Variants in RBFOX1 observed in about 807,000 individuals in gnomAD.
RBFOX1 encodes the protein RNA binding fox-1 homolog 1.
Under a neutral mutation model 57.7 loss-of-function variants are expected in RBFOX1, and 8 were observed. The ratio of observed to expected loss-of-function variants is 0.14; its 90% CI spans 0.08 to 0.25. The LOEUF (loss-of-function observed/expected upper bound fraction) is 0.25, where lower values mean the gene tolerates loss of function less well. Ranked by LOEUF, RBFOX1 falls within the 10% of genes least tolerant of loss-of-function variation. The pLI, the probability that RBFOX1 is intolerant of heterozygous loss-of-function variation, is 1.00. For missense variants in RBFOX1, 611 were observed against 548.5 expected, an observed-to-expected ratio of 1.11 and a Z score of -1.14; for synonymous variants, 326 against 222.4, an observed-to-expected ratio of 1.47 and a Z score of -4.15.
At chr16:6,803,212 C>G (rs565745788) in intron 3 of RBFOX1, among the ~76,000 whole-genome samples, 1 of 152,104 alleles carries the variant, frequency 6.6e-6, no homozygotes, top group South Asian at 2.1e-4. Flanking sequence ...AAAATGTTCA[C>G]TTGACCCTCA....
intron 3 of RBFOX1, among the ~76,000 whole-genome samples, chr16:6,697,565 C>G (rs1166862356): frequency 6.6e-6 from 1 of 152,160 alleles, no homozygotes; most frequent in South Asian, 2.1e-4. Flanking sequence ...ACTGGAGCAG[C>G]TTGAGTCAAA....
chr16:7,693,771 G>A (rs1365900043), intron 14 of RBFOX1, among the ~76,000 whole-genome samples: 1 of 152,092 alleles, frequency 6.6e-6, no homozygotes, highest in Non-Finnish European at 1.5e-5. Context: ...AATTATTTGG[G>A]ATCTTTATGG....
At chr16:6,350,467 A>C (rs1025933115) in intron 2 of RBFOX1, among the ~76,000 whole-genome samples, 11 of 18,316 alleles carry the variant, frequency 6.0e-4, no homozygotes, top group Non-Finnish European at 1.2e-3. Context: ...AAAAAAAAAA[A>C]AAAAAAAAAA....
intron 3 of RBFOX1, among the ~76,000 whole-genome samples, chr16:6,840,970 C>T (rs1043067022): frequency 1.3e-5 from 2 of 151,856 alleles, no homozygotes; most frequent in Non-Finnish European, 1.5e-5. Context: ...GGGTATCTAC[C>T]AGGAGGTGGA....
chr16:5,670,009 G>C (rs1286252448), intron 3 of RBFOX1, among the ~76,000 whole-genome samples: 6 of 152,190 alleles, frequency 3.9e-5, no homozygotes, highest in African/African-American at 1.4e-4. Flanking sequence ...TCCATAAAAA[G>C]ATATAGAGCA....
At position 7,448,431 on chromosome 16, in the gene RBFOX1, C is replaced by T. The variant is rs189968065; in HGVS notation, c.28-69716C>T. 4.7e-3 allele frequency among the ~76,000 whole-genome samples: 722 copies of T among 152,206 alleles called. 6 individuals are homozygous for T. The highest frequency in any genetic ancestry group is 6.1e-3 in the Non-Finnish European group (415 of 68,008). ...GGAAGGCAAAGGAGGTGCAAAGACACGTTTTACATGGCGGCAGGCAAGAGA... is the reference window on the plus strand; with the variant it reads ...GGAAGGCAAAGGAGGTGCAAAGACATGTTTTACATGGCGGCAGGCAAGAGA... On this transcript the variant is annotated intron_variant, in intron 4 of 15. Coordinates refer to ENST00000550418, the MANE Select transcript of RBFOX1 (RefSeq NM_018723.4).
chr16:6,935,467 A>G (rs1449735737), intron 3 of RBFOX1, among the ~76,000 whole-genome samples: 1 of 152,196 alleles, frequency 6.6e-6, no homozygotes, highest in Non-Finnish European at 1.5e-5. Context: ...TGCAATAATG[A>G]ATGATTACTG....
intron 2 of RBFOX1, among the ~76,000 whole-genome samples, chr16:6,425,851 C>T (rs111970907): frequency 6.6e-6 from 1 of 152,122 alleles, no homozygotes; most frequent in African/African-American, 2.4e-5. Context: ...GGAAAATTTA[C>T]ATAGCATAAT....
Position 5,372,068 on chromosome 16 carries a change from C to T in RBFOX1, c.220-95148C>T, listed in dbSNP as rs184464584. On this transcript the variant is annotated intron_variant, in intron 1 of 2. Transcript: ENST00000585867. ...GCAAAAGGACTGGAGATGTCCATGCCGGCTTCAGATATTTCCTTTGCAGCC... is the reference window on the plus strand; with the variant it reads ...GCAAAAGGACTGGAGATGTCCATGCTGGCTTCAGATATTTCCTTTGCAGCC... Among the ~76,000 whole-genome samples, 161 of 152,284 alleles carry T rather than the reference C, an allele frequency of 1.1e-3. 1 individual carries two copies. The East Asian group carries it at 0.026, about 25-fold the overall frequency.
At chr16:5,251,701 G>A (rs1350064834) in intron 1 of RBFOX1, among the ~76,000 whole-genome samples, 2 of 152,114 alleles carry the variant, frequency 1.3e-5, no homozygotes, top group East Asian at 3.9e-4. Context: ...AATGGAAAAG[G>A]GGCCTGAGGA....
chr16:6,841,623 C>A (rs539795308), intron 3 of RBFOX1, among the ~76,000 whole-genome samples: 2 of 152,100 alleles, frequency 1.3e-5, no homozygotes, highest in Non-Finnish European at 2.9e-5. Flanking sequence ...AAAACTCTCA[C>A]GAATGCTTTT....
At chr16:6,415,568 G>A (rs998152786) in intron 2 of RBFOX1, among the ~76,000 whole-genome samples, 2 of 152,114 alleles carry the variant, frequency 1.3e-5, no homozygotes, top group African/African-American at 4.8e-5. Context: ...GGGCGTGGTG[G>A]CAGGCACCTG....
intron 2 of RBFOX1, among the ~76,000 whole-genome samples, chr16:6,563,653 C>G (rs1170720091): frequency 1.3e-5 from 2 of 152,028 alleles, no homozygotes; most frequent in African/African-American, 4.8e-5. Context: ...CGACCGTTAT[C>G]AGCAACGTGG....
At chr16:6,148,657 T>C (rs1300243962) in intron 1 of RBFOX1, among the ~76,000 whole-genome samples, 1 of 152,160 alleles carries the variant, frequency 6.6e-6, no homozygotes, top group Non-Finnish European at 1.5e-5. Flanking sequence ...GCTGGTGATG[T>C]AGAACAGGCA....
intron 3 of RBFOX1, among the ~76,000 whole-genome samples, chr16:5,829,868 A>T (rs1002925602): frequency 1.3e-5 from 2 of 152,256 alleles, no homozygotes; most frequent in Admixed American, 1.3e-4. Context: ...AAACAAAAAC[A>T]GGGGGGAAGA....
chr16:6,498,683 G>A (rs1291897519), intron 2 of RBFOX1, among the ~76,000 whole-genome samples: 3 of 152,154 alleles, frequency 2.0e-5, no homozygotes, highest in Admixed American at 2.0e-4. Flanking sequence ...AAGAATGTGT[G>A]ATCACATTGG....
intron 4 of RBFOX1, among the ~76,000 whole-genome samples, chr16:7,353,670 T>C (rs2097166463): frequency 6.6e-6 from 1 of 152,138 alleles, no homozygotes. Context: ...GGATGAACCT[T>C]GAGAATGTTG....
intron 4 of RBFOX1, among the ~76,000 whole-genome samples, chr16:7,391,790 G>A (rs2098029356): frequency 6.6e-6 from 1 of 152,202 alleles, no homozygotes; most frequent in Non-Finnish European, 1.5e-5. Flanking sequence ...CTAAAAGGAA[G>A]AGTGAGTCGG....
rs1297494670 is a variant in RBFOX1 at position 7,658,563 on chromosome 16, C to T, written c.890+4616C>T. On this transcript the variant is annotated intron_variant, in intron 12 of 15. Coordinates refer to ENST00000550418, the MANE Select transcript of RBFOX1 (RefSeq NM_018723.4). ...CAAGCTGATTATCTGTGCATCAAGACAGCAAGTGGAGGCTTTGGAGACAAA... is the reference window on the plus strand; with the variant it reads ...CAAGCTGATTATCTGTGCATCAAGATAGCAAGTGGAGGCTTTGGAGACAAA... Among the ~76,000 whole-genome samples, 3 of 152,124 alleles carry T rather than the reference C, an allele frequency of 2.0e-5. No homozygotes were observed. In the East Asian group the frequency reaches 5.8e-4, roughly 29 times the overall value.
Sources: allele counts gnomAD v4.1 joint callset (sites outside exome capture counted in the v4.1 genomes callset), GRCh38; gene constraint gnomAD v4.1.1; transcripts MANE v1.5; gene names NCBI Gene and HGNC (gene_info 2026-07-23, HGNC 2026-07-21).